Variants in CDKL4 observed in about 807,000 individuals in gnomAD.
The protein encoded by CDKL4 is cyclin dependent kinase like 4.
CDKL4 carries 44 observed loss-of-function variants against 42.0 expected under a neutral mutation model. The ratio of observed to expected loss-of-function variants is 1.05; its 90% CI spans 0.82 to 1.35. The LOEUF (loss-of-function observed/expected upper bound fraction) is 1.35, where lower values mean the gene tolerates loss of function less well. Ranked by LOEUF, CDKL4 falls within the 40% of genes most tolerant of loss-of-function variation. The pLI, the probability that CDKL4 is intolerant of heterozygous loss-of-function variation, is 0.00. For synonymous variants in CDKL4, 120 were observed against 121.6 expected, an observed-to-expected ratio of 0.99 and a Z score of 0.09; for missense variants, 393 against 369.9, an observed-to-expected ratio of 1.06 and a Z score of -0.51.
At chr2:39,240,235 C>G (rs902145765) in intron 1 of CDKL4, among the ~76,000 whole-genome samples, 4 of 140,764 alleles carry the variant, frequency 2.8e-5, no homozygotes, top group African/African-American at 1.0e-4. Context: ...CATGGTGACA[C>G]CCCGTCTCTA....
At chr2:39,217,094 C>G (rs12712633) in intron 3 of CDKL4, among the ~76,000 whole-genome samples, 105,612 of 152,090 alleles carry the variant, frequency 0.69, 40,948 homozygotes, top group Non-Finnish European at 0.87. Flanking sequence ...GGCGCCCAGT[C>G]CAGAAAGATA....
At chr2:39,204,611 G>A in exon 5 of CDKL4, 1 of 1,455,062 alleles carries the variant, frequency 6.9e-7, no homozygotes, top group Non-Finnish European at 9.6e-7. Context: ...ATATCTCTGT[G>A]AATACACTGT....
At chr2:39,242,676 G>C (rs903772525) in intron 1 of CDKL4, among the ~76,000 whole-genome samples, 4 of 152,074 alleles carry the variant, frequency 2.6e-5, no homozygotes, top group Admixed American at 6.6e-5. Flanking sequence ...ACTCAAGCCA[G>C]CCTAAGGAAT....
downstream of CDKL4, among the ~76,000 whole-genome samples, chr2:39,172,031 C>T (rs558876201): frequency 1.1e-4 from 17 of 152,256 alleles, no homozygotes; most frequent in Non-Finnish European, 1.8e-4. Flanking sequence ...ATTACACAGG[C>T]TGGGCATGGT....
intron 5 of CDKL4, among the ~76,000 whole-genome samples, chr2:39,194,879 C>T (rs928914973): frequency 1.3e-5 from 2 of 152,178 alleles, no homozygotes; most frequent in Admixed American, 6.5e-5. Context: ...GAAGTACATT[C>T]GGTGTTGCAC....
At chr2:39,193,128 T>TAAAAA (rs747083150) in intron 5 of CDKL4, among the ~76,000 whole-genome samples, 1 of 83,498 alleles carries the variant, frequency 1.2e-5, no homozygotes, top group Admixed American at 1.4e-4. Context: ...ACTCCATCTC[T>TAAAAA]AAAAAAAAAA....
intron 9 of CDKL4, among the ~76,000 whole-genome samples, chr2:39,177,605 A>G (rs1016360489): frequency 9.3e-5 from 14 of 151,306 alleles, no homozygotes; most frequent in Middle Eastern, 3.2e-3. Flanking sequence ...GGGTTTTGCC[A>G]TGTTGGCCAG....
rs553152585 is a variant in CDKL4, at chr2:39,219,314, T to C, written c.291-5842A>G. On this transcript the variant is annotated intron_variant, in intron 3 of 9. Coordinates refer to ENST00000451199, the Ensembl canonical transcript of CDKL4. The stretch of plus-strand genomic sequence containing the variant: ...AAGGCTGTGAGAATCTAGGATTGGA[T>C]ATCTGATGTAATGAGGACGGAAGGG... Among the ~76,000 whole-genome samples the C allele has an allele frequency of 3.0e-3, 457 of 152,340 alleles. 2 individuals are homozygous for C. Among genetic ancestry groups the C allele is most frequent in the African/African-American group, 0.01 (434 of 41,562 alleles).
exon 10 of CDKL4, chr2:39,176,092 T>C (rs1373115596): frequency 8.5e-6 from 4 of 468,994 alleles, no homozygotes; most frequent in Non-Finnish European, 1.8e-5. Context: ...AGGCAACAGT[T>C]GATTCTAATA....
chr2:39,240,157 C>T (rs893311763), intron 1 of CDKL4, among the ~76,000 whole-genome samples: 28 of 151,884 alleles, frequency 1.8e-4, no homozygotes, highest in African/African-American at 6.5e-4. Context: ...CGCCTGTAAT[C>T]CCAGCACTTT....
intron 5 of CDKL4, among the ~76,000 whole-genome samples, chr2:39,203,856 G>A (rs1248892944): frequency 1.3e-5 from 2 of 152,150 alleles, no homozygotes; most frequent in Admixed American, 6.5e-5. Context: ...AGCCTTGATC[G>A]GGTTTTGTTT....
At chr2:39,222,670 GA>G (rs539987576) in intron 3 of CDKL4, among the ~76,000 whole-genome samples, 54 of 152,242 alleles carry the variant, frequency 3.5e-4, no homozygotes, top group Admixed American at 1.6e-3. Flanking sequence ...ATTAAAATGA[GA>G]AGAACATGAG....
At chr2:39,243,046 T>C (rs1053294731) in intron 1 of CDKL4, among the ~76,000 whole-genome samples, 13 of 135,964 alleles carry the variant, frequency 9.6e-5, no homozygotes, top group Non-Finnish European at 1.5e-5. Context: ...TTGCTGAACC[T>C]GGGAGGTCAG....
Position 39,179,425 on chromosome 2 carries a change from A to G in CDKL4, c.793-104T>C, listed in dbSNP as rs1394097427. On this transcript the variant is annotated intron_variant, in intron 8 of 9. Transcript: ENST00000451199. ...GCTAGGATAAATATGAGTTTAGAAA[A>G]TCTTCCAGTTTGTGTATTATCAAGT... 3.1e-6 allele frequency: 3 copies of G among 975,516 alleles called. No homozygotes were observed. The African/African-American group carries it at 4.9e-5, about 16-fold the overall frequency. 60.4% of individuals were successfully genotyped at this position (975,516 alleles called of 1,614,324 possible).
intron 3 of CDKL4, among the ~76,000 whole-genome samples, chr2:39,225,008 A>G (rs1186643016): frequency 6.6e-6 from 1 of 152,212 alleles, no homozygotes; most frequent in Non-Finnish European, 1.5e-5. Context: ...ATTACATTAC[A>G]TTGGCTAGAG....
intron 3 of CDKL4, among the ~76,000 whole-genome samples, chr2:39,216,433 T>C (rs1359697625): frequency 6.6e-6 from 1 of 152,048 alleles, no homozygotes; most frequent in Non-Finnish European, 1.5e-5. Flanking sequence ...GCCTCGGAGA[T>C]CTAGATCTCA....
rs1675308043 is a variant in CDKL4 at position 39,179,329 on chromosome 2, G to A, written c.793-8C>T. ...ATTCATCTTCAGACACCCCTTTGGA[G>A]GAAGAGAATAGCAAAGAAGATGTTA... On this transcript the variant is annotated splice_region_variant and splice_polypyrimidine_tract_variant and intron_variant, in intron 8 of 9. Transcript: ENST00000451199. The A allele has an allele frequency of 5.1e-6, 8 of 1,582,238 alleles. No individual in the cohort carries two copies. The highest frequency in any genetic ancestry group is 6.8e-6 in the Non-Finnish European group (8 of 1,169,940).
chr2:39,180,686 CTTTTTTT>C (rs1167370938), intron 8 of CDKL4, among the ~76,000 whole-genome samples: 1 of 121,080 alleles, frequency 8.3e-6, no homozygotes, highest in Non-Finnish European at 1.7e-5. Context: ...GAGAGAAAGA[CTTTTTTT>C]TTTTTTTTTT....
At chr2:39,229,464 G>C (rs772446507) in exon 2 of CDKL4, 1 of 1,613,352 alleles carries the variant, frequency 6.2e-7, no homozygotes, top group Admixed American at 1.7e-5. Context: ...CAGAGGTTTT[G>C]TTTCTGCATT....
Sources: gnomAD v4.1 joint callset for allele counts (sites outside exome capture counted in the v4.1 genomes callset) on GRCh38, gnomAD v4.1.1 for gene constraint, MANE v1.5 for transcripts, NCBI Gene and HGNC (gene_info 2026-07-23, HGNC 2026-07-21) for gene names.